RABGAP1L: variants seen among roughly 807,000 people sequenced by gnomAD.
RABGAP1L encodes rab GTPase-activating protein 1-like.
RABGAP1L carries 63 observed loss-of-function variants against 137.7 expected under a neutral mutation model. That is an observed-to-expected ratio of 0.46 (90% CI 0.37 to 0.56). RABGAP1L has a LOEUF of 0.56. Ranked by LOEUF, RABGAP1L falls within the 20% of genes least tolerant of loss-of-function variation. The probability of loss-of-function intolerance (pLI) is 0.00; values close to 1 mark genes in which losing one functional copy is unlikely to be tolerated. For synonymous variants in RABGAP1L, 431 were observed against 433.7 expected (o/e 0.99, Z 0.08); for missense variants, 1,095 against 1,244.0 (o/e 0.88, Z 1.80).
chr1:174,876,553 T>C (rs1267153243), intron 19 of RABGAP1L, among the ~76,000 whole-genome samples: 1 of 152,202 alleles, frequency 6.6e-6, no homozygotes, highest in Non-Finnish European at 1.5e-5. Flanking sequence ...CATCTGGAAA[T>C]ATGGCAGTTC....
chr1:174,268,979 G>T (rs1179197866), intron 7 of RABGAP1L, among the ~76,000 whole-genome samples: 1 of 151,882 alleles, frequency 6.6e-6, no homozygotes, highest in Non-Finnish European at 1.5e-5. Flanking sequence ...CCACGCTGGA[G>T]TGCAGTGGCG....
intron 17 of RABGAP1L, among the ~76,000 whole-genome samples, chr1:174,710,964 T>G (rs1455645528): frequency 7.9e-5 from 12 of 152,042 alleles, no homozygotes; most frequent in Admixed American, 7.9e-4. Flanking sequence ...GAGCCCACGG[T>G]GGCGGGGAGG....
chr1:174,932,216 A>T (rs1663952645), intron 19 of RABGAP1L, among the ~76,000 whole-genome samples: 1 of 151,366 alleles, frequency 6.6e-6, no homozygotes, highest in African/African-American at 2.4e-5. Context: ...AAGGTTTTCA[A>T]AGAGGGATGT....
At chr1:174,508,198 T>C (rs1662009050) in intron 13 of RABGAP1L, among the ~76,000 whole-genome samples, 1 of 152,178 alleles carries the variant, frequency 6.6e-6, no homozygotes, top group East Asian at 1.9e-4. Flanking sequence ...ACAAACAATT[T>C]CAGGTTGTTG....
intron 11 of RABGAP1L, among the ~76,000 whole-genome samples, chr1:174,353,106 C>T (rs1157587132): frequency 6.6e-6 from 1 of 152,134 alleles, no homozygotes; most frequent in Non-Finnish European, 1.5e-5. Context: ...ATTTTAGGCC[C>T]AAGTGCTCTT....
intron 1 of RABGAP1L, among the ~76,000 whole-genome samples, chr1:174,198,983 C>T (rs561550918): frequency 6.6e-6 from 1 of 152,198 alleles, no homozygotes; most frequent in Non-Finnish European, 1.5e-5. Flanking sequence ...TGGCGCATGC[C>T]TGTAATCCCA....
chr1:174,555,993 CTTTTTTTTTTTT>C (rs367653521), intron 13 of RABGAP1L, among the ~76,000 whole-genome samples: 12 of 115,462 alleles, frequency 1.0e-4, no homozygotes, highest in African/African-American at 3.2e-4. Context: ...GTTCGTTTGC[CTTTTTTTTTTTT>C]TTTTTTTTTT....
At chr1:174,551,619 T>C (rs1572291838) in intron 13 of RABGAP1L, among the ~76,000 whole-genome samples, 1 of 152,002 alleles carries the variant, frequency 6.6e-6, no homozygotes, top group South Asian at 2.1e-4. Context: ...TAAGTTTCTA[T>C]GTAAGAGACT....
At chr1:174,333,993 C>T (rs757163003) in intron 11 of RABGAP1L, among the ~76,000 whole-genome samples, 4 of 152,178 alleles carry the variant, frequency 2.6e-5, no homozygotes, top group Non-Finnish European at 5.9e-5. Context: ...CACTGGTCAT[C>T]TGGAAGGCTC....
rs753251095 is a variant in RABGAP1L, at chr1:174,371,023, G to A, written c.1510G>A (p.Asp504Asn). The change falls in exon 12 of 26, where the codon GAT (aspartate) becomes AAT (asparagine). Residue 504 changes from aspartate to asparagine, a missense_variant. Asp to Asn is a conservative substitution (Grantham distance 23). Coordinates refer to ENST00000681986, the MANE Select transcript of RABGAP1L (RefSeq NM_001366446.1). ...LSSGTGDVSK[D>N]CPEKILYSWG... ...AAGTGGAACAGGTGATGTGTCTAAG[G>A]ATTGTCCTGAGAAGATCCTGTATTC... 6.6e-7 allele frequency: 1 copy of A among 1,509,216 alleles called. No individual in the cohort carries two copies. Among genetic ancestry groups the A allele is most frequent in the Non-Finnish European group, 9.0e-7 (1 of 1,111,986 alleles). The allele number at this position is 1,509,216 out of a possible 1,614,324, so 93.5% of individuals were successfully genotyped here. A position where few individuals can be genotyped will look rare whatever the true frequency, so the allele number is the denominator to read the frequency against.
At chr1:174,820,828 C>G (rs1294256719) in intron 19 of RABGAP1L, among the ~76,000 whole-genome samples, 7 of 151,922 alleles carry the variant, frequency 4.6e-5, no homozygotes, top group Admixed American at 4.6e-4. Context: ...ATGAGCCTGG[C>G]CAACATGGTG....
At chr1:174,616,889 C>G (rs1375277073) in intron 13 of RABGAP1L, among the ~76,000 whole-genome samples, 2 of 152,156 alleles carry the variant, frequency 1.3e-5, no homozygotes, top group African/African-American at 4.8e-5. Context: ...GAAAAAGCAT[C>G]TCACGTGATT....
chr1:174,652,122 TG>T (rs1180845471), intron 14 of RABGAP1L, among the ~76,000 whole-genome samples: 2 of 152,246 alleles, frequency 1.3e-5, no homozygotes, highest in Non-Finnish European at 2.9e-5. Context: ...TATGAAATTC[TG>T]GGTTAAAAAT....
chr1:174,281,486 T>C (rs963893356), intron 10 of RABGAP1L, among the ~76,000 whole-genome samples: 2 of 152,234 alleles, frequency 1.3e-5, no homozygotes, highest in Non-Finnish European at 2.9e-5. Context: ...TACGCTCCTT[T>C]AGCTGGACAG....
intron 13 of RABGAP1L, among the ~76,000 whole-genome samples, chr1:174,618,654 T>C (rs1672140992): frequency 6.6e-6 from 1 of 151,916 alleles, no homozygotes; most frequent in African/African-American, 2.4e-5. Flanking sequence ...GTCACCATCA[T>C]CAAAGACCAA....
intron 10 of RABGAP1L, among the ~76,000 whole-genome samples, chr1:174,280,048 G>GAGAGAGA (rs1675362368): frequency 1.4e-3 from 177 of 125,302 alleles, no homozygotes; most frequent in African/African-American, 4.5e-3. Flanking sequence ...CTGTCTGCCT[G>GAGAGAGA]GAGAGAGAGA....
intron 11 of RABGAP1L, among the ~76,000 whole-genome samples, chr1:174,350,226 C>T (rs1202431150): frequency 2.1e-4 from 28 of 135,556 alleles, no homozygotes; most frequent in East Asian, 4.6e-4. Flanking sequence ...GGGTGGCTGC[C>T]GGGCGGAGAC....
At chr1:174,890,278 A>G (rs144016205) in intron 19 of RABGAP1L, among the ~76,000 whole-genome samples, 173 of 152,248 alleles carry the variant, frequency 1.1e-3, no homozygotes, top group African/African-American at 3.9e-3. Flanking sequence ...TTTGTCCTAT[A>G]TGCTCCTGTC....
At chr1:174,527,667 A>G (rs576841075) in intron 13 of RABGAP1L, among the ~76,000 whole-genome samples, 2 of 152,288 alleles carry the variant, frequency 1.3e-5, no homozygotes, top group African/African-American at 2.4e-5. Context: ...TCTGAAGTCC[A>G]GTTTAAATCC....
Sources: allele counts gnomAD v4.1 joint callset (sites outside exome capture counted in the v4.1 genomes callset), GRCh38; gene constraint gnomAD v4.1.1; transcripts MANE v1.5; gene names NCBI Gene and HGNC (gene_info 2026-07-23, HGNC 2026-07-21).